Variants in PTGES3 observed in about 807,000 individuals in gnomAD.
PTGES3 encodes Hsp90 co-chaperone.
In PTGES3, 5 loss-of-function variants were observed where a neutral mutation model predicts 29.9. That is an observed-to-expected ratio of 0.17 (90% CI 0.09 to 0.35). The LOEUF (loss-of-function observed/expected upper bound fraction) is 0.35, where lower values mean the gene tolerates loss of function less well. PTGES3 is among the 10% of genes least tolerant of loss of function. The pLI is 1.00. For synonymous variants in PTGES3, 49 were observed against 57.8 expected, an observed-to-expected ratio of 0.85 and a Z score of 0.69; for missense variants, 128 against 190.0, an observed-to-expected ratio of 0.67 and a Z score of 1.92.
At chr12:56,673,544 A>G (rs1952092108) in intron 1 of PTGES3, among the ~76,000 whole-genome samples, 2 of 146,006 alleles carry the variant, frequency 1.4e-5, no homozygotes, top group Non-Finnish European at 3.0e-5. Flanking sequence ...CTGTAATCCC[A>G]GCACTTTGGG....
intron 5 of PTGES3, among the ~76,000 whole-genome samples, chr12:56,666,938 G>C (rs1258107145): frequency 2.0e-5 from 3 of 148,118 alleles, no homozygotes; most frequent in African/African-American, 7.5e-5. Flanking sequence ...TTTTTATTTT[G>C]AGATGGAGTC....
intron 6 of PTGES3, chr12:56,665,784 G>T: frequency 1.5e-6 from 1 of 669,490 alleles, no homozygotes; most frequent in Non-Finnish European, 1.8e-6. Context: ...GGGATTACAG[G>T]CACCTGCCAT....
Position 56,663,626 on chromosome 12 carries a change from T to C in PTGES3, c.*853A>G, listed in dbSNP as rs929424446. The C allele has an allele frequency of 1.0e-4, 16 of 152,594 alleles. No individual in the cohort carries two copies. Among genetic ancestry groups the C allele is most frequent in the African/African-American group, 3.9e-4 (16 of 41,454 alleles). 9.5% of individuals were successfully genotyped at this position (152,594 alleles called of 1,614,324 possible). A position where few individuals can be genotyped will look rare whatever the true frequency, so the allele number is the denominator to read the frequency against. On this transcript the variant is annotated 3_prime_UTR_variant, in exon 8 of 8. Coordinates refer to ENST00000262033, the MANE Select transcript of PTGES3 (RefSeq NM_006601.7). ...TCTTCCAACAGTTTATTAGAAAGAA[T>C]GTAGACATTTAAAAAAATCCCCACT... is the stretch of plus-strand genomic sequence containing the variant.
intron 5 of PTGES3, among the ~76,000 whole-genome samples, chr12:56,669,636 C>T (rs1406698724): frequency 3.3e-5 from 5 of 151,538 alleles, no homozygotes; most frequent in Non-Finnish European, 5.9e-5. Flanking sequence ...TTTATTTGAC[C>T]GAGTCCCGCT....
In PTGES3 at chr12:56,664,378, A is replaced by C; in HGVS notation, c.*101T>G. 1 of 1,341,786 alleles carries C rather than the reference A, an allele frequency of 7.5e-7. No homozygotes were observed. 83.1% of individuals were successfully genotyped at this position (1,341,786 alleles called of 1,614,324 possible). ...ATGGGTTAAAGTAGGCAAATACAGCATATCTGCCTTTAGAGCTATCAACTC... is the reference window on the plus strand; with the variant it reads ...ATGGGTTAAAGTAGGCAAATACAGCCTATCTGCCTTTAGAGCTATCAACTC... On this transcript the variant is annotated 3_prime_UTR_variant, in exon 8 of 8. Transcript: ENST00000262033.
At chr12:56,687,672 G>A (rs1952944729) in intron 1 of PTGES3, 10 of 1,256,534 alleles carry the variant, frequency 8.0e-6, no homozygotes, top group Non-Finnish European at 1.0e-5. Flanking sequence ...TCAGGGCGCC[G>A]CATGGCGAGC....
In PTGES3 at chr12:56,674,489, G is replaced by A. The variant is rs376082919; in HGVS notation, c.3-1424C>T. On this transcript the variant is annotated intron_variant, in intron 1 of 7. Transcript: ENST00000262033. Reference sequence around the variant, plus strand: ...GTGGATCACCTGAGGTCGAGAATTCGAGACCAGCCTGACCAACACGGAGAA... The same window carrying A: ...GTGGATCACCTGAGGTCGAGAATTCAAGACCAGCCTGACCAACACGGAGAA... Among the ~76,000 whole-genome samples the A allele has an allele frequency of 1.1e-4, 17 of 151,846 alleles. 1 individual carries two copies. In the South Asian group the frequency reaches 1.3e-3, roughly 11 times the overall value.
chr12:56,676,663 G>C (rs1235135553), intron 1 of PTGES3, among the ~76,000 whole-genome samples: 1 of 152,068 alleles, frequency 6.6e-6, no homozygotes, highest in African/African-American at 2.4e-5. Flanking sequence ...GTGGGTATGC[G>C]TGGTGGTTCA....
chr12:56,674,542 T>C (rs1952137215), intron 1 of PTGES3, among the ~76,000 whole-genome samples: 1 of 150,588 alleles, frequency 6.6e-6, no homozygotes, highest in Non-Finnish European at 1.5e-5. Context: ...TTACAAAAAA[T>C]TCAGGCGGGC....
chr12:56,688,218 A>G lies in PTGES3; in HGVS notation c.-219T>C. 1.3e-6 allele frequency: 1 copy of G among 787,772 alleles called. No individual in the cohort carries two copies. The highest frequency in any genetic ancestry group is 1.8e-6 in the Non-Finnish European group (1 of 549,070). 48.8% of individuals were successfully genotyped at this position (787,772 alleles called of 1,614,324 possible). ...GGCTCCTCCGGTCGGGGAGAAGAGG[A>G]AAGTGTAGGAAAAGGGGCGCGAGGA... On this transcript the variant is annotated 5_prime_UTR_variant, in exon 1 of 8. Coordinates refer to ENST00000262033, the MANE Select transcript of PTGES3 (RefSeq NM_006601.7).
intron 6 of PTGES3, chr12:56,665,437 G>C: frequency 2.3e-6 from 2 of 880,062 alleles, no homozygotes; most frequent in Non-Finnish European, 1.4e-6. Context: ...TGGGATTACA[G>C]GCACCCGCCA....
chr12:56,687,452 A>T, intron 1 of PTGES3: 1 of 988,740 alleles, frequency 1.0e-6, no homozygotes, highest in Non-Finnish European at 1.2e-6. Context: ...AGAGGGAAGT[A>T]TGTTGCGGCG....
chr12:56,681,506 C>A (rs1306967334), intron 1 of PTGES3, among the ~76,000 whole-genome samples: 1 of 131,916 alleles, frequency 7.6e-6, no homozygotes, highest in Non-Finnish European at 1.5e-5. Flanking sequence ...CCACTGCACT[C>A]CAGCCTGGGC....
At chr12:56,665,320 G>C (rs917543358) in intron 6 of PTGES3, 1 of 970,106 alleles carries the variant, frequency 1.0e-6, no homozygotes, top group Admixed American at 6.6e-5. Context: ...GGGGGAGATG[G>C]AGTCTTGCTC....
intron 5 of PTGES3, among the ~76,000 whole-genome samples, chr12:56,668,485 T>C (rs1405673116): frequency 6.6e-6 from 1 of 152,212 alleles, no homozygotes; most frequent in Non-Finnish European, 1.5e-5. Flanking sequence ...AGGCCTGTAG[T>C]CCCAGCACTT....
chr12:56,676,074 A>C lies in PTGES3; in HGVS notation c.3-3009T>G, dbSNP rs188622300. 5.9e-5 allele frequency among the ~76,000 whole-genome samples: 9 copies of C among 151,422 alleles called. No homozygotes were observed. In the East Asian group the frequency reaches 1.7e-3, roughly 29 times the overall value. On this transcript the variant is annotated intron_variant, in intron 1 of 7. Transcript: ENST00000262033. ...AAACCCCGTCTCTACTAAAAATACA[A>C]AATTAGCCAGGCGAGGTGGCGTATG... is the stretch of plus-strand genomic sequence containing the variant.
chr12:56,667,012 C>T (rs1022824027), intron 5 of PTGES3, among the ~76,000 whole-genome samples: 1 of 152,014 alleles, frequency 6.6e-6, no homozygotes, highest in East Asian at 1.9e-4. Context: ...TTCCGCTTCC[C>T]GGGTTCAAGG....
chr12:56,666,500 A>C (rs1326689541), intron 5 of PTGES3, among the ~76,000 whole-genome samples: 1 of 152,266 alleles, frequency 6.6e-6, no homozygotes, highest in Non-Finnish European at 1.5e-5. Flanking sequence ...AAAGCTATTC[A>C]TGCAACAGGT....
intron 1 of PTGES3, among the ~76,000 whole-genome samples, chr12:56,680,460 T>C (rs1201773484): frequency 6.6e-6 from 1 of 151,762 alleles, no homozygotes; most frequent in Non-Finnish European, 1.5e-5. Context: ...ATCTTGCCTC[T>C]CTGCAACCCC....
Sources: gnomAD v4.1 joint callset for allele counts (sites outside exome capture counted in the v4.1 genomes callset) on GRCh38, gnomAD v4.1.1 for gene constraint, MANE v1.5 for transcripts, NCBI Gene and HGNC (gene_info 2026-07-23, HGNC 2026-07-21) for gene names.